The following DNM2 variants were observed in gnomAD, a reference collection of about 807,000 sequenced individuals.
DNM2 encodes dynamin 2.
Under a neutral mutation model 99.0 loss-of-function variants are expected in DNM2, and 15 were observed. That is an observed-to-expected ratio of 0.15 (90% CI 0.10 to 0.23). DNM2 has a LOEUF of 0.23. DNM2 is among the 10% of genes least tolerant of loss of function. DNM2 has a pLI of 1.00. For synonymous variants in DNM2, 525 were observed against 481.2 expected, an observed-to-expected ratio of 1.09 and a Z score of -1.19; for missense variants, 742 against 1,189.4, an observed-to-expected ratio of 0.62 and a Z score of 5.53.
In DNM2 at chr19:10,798,563, G is replaced by A. The variant is rs2072022940; in HGVS notation, c.1413G>A (p.Thr471=). Residue 471 remains threonine, a synonymous_variant, in exon 11 of 21, where the codon ACG becomes ACA. Coordinates refer to ENST00000389253, the MANE Select transcript of DNM2 (RefSeq NM_001005361.3). The part of the protein sequence containing the change: ...TTYIREREGR[T]KDQILLLIDI... ...ACATCCGGGAACGGGAGGGGAGAAC[G>A]AAGGACCAGGTACTGGCCTTTTGTC... is the stretch of plus-strand genomic sequence containing the variant. 6.2e-6 allele frequency: 10 copies of A among 1,614,096 alleles called. No homozygotes were observed. Among genetic ancestry groups the A allele is most frequent in the Admixed American group, 5.0e-5 (3 of 60,008 alleles).
intron 1 of DNM2, among the ~76,000 whole-genome samples, chr19:10,751,997 T>C (rs752792162): frequency 6.6e-6 from 1 of 152,202 alleles, no homozygotes; most frequent in South Asian, 2.1e-4. Context: ...CCTCTCCCCA[T>C]TGGCCGGGGT....
chr19:10,792,702 G>T (rs550769969), intron 7 of DNM2, among the ~76,000 whole-genome samples: 262 of 152,170 alleles, frequency 1.7e-3, no homozygotes, highest in African/African-American at 5.9e-3. Flanking sequence ...CCGCCACCCA[G>T]ATTCAAGCGG....
intron 12 of DNM2, among the ~76,000 whole-genome samples, chr19:10,802,891 T>C (rs76793776): frequency 8.5e-4 from 129 of 152,312 alleles, no homozygotes; most frequent in African/African-American, 3.1e-3. Context: ...GTCGATTCAG[T>C]GTGCGTGGTC....
In DNM2 at chr19:10,786,474, G is replaced by C. The variant is rs545420459; in HGVS notation, c.850-90G>C. The C allele has an allele frequency of 4.4e-6, 7 of 1,598,614 alleles. No individual in the cohort carries two copies. In the East Asian group the frequency reaches 1.3e-4, roughly 31 times the overall value. On this transcript the variant is annotated intron_variant, in intron 6 of 20. Coordinates refer to ENST00000389253, the MANE Select transcript of DNM2 (RefSeq NM_001005361.3). ...GTGGTGGCCGCATAGTGGCACCCTG[G>C]TGTTGGCCCTTGGTTGGGGGGAGTG... is the stretch of plus-strand genomic sequence containing the variant.
chr19:10,723,055 T>C (rs948317499), intron 1 of DNM2, among the ~76,000 whole-genome samples: 1 of 149,994 alleles, frequency 6.7e-6, no homozygotes, highest in African/African-American at 2.5e-5. Flanking sequence ...CAATCTCGCC[T>C]CCTGAGTTCA....
intron 11 of DNM2, 64 bp from the exon 12 acceptor site, chr19:10,802,224 C>T: frequency 1.3e-6 from 2 of 1,571,964 alleles, no homozygotes; most frequent in Non-Finnish European, 1.8e-6. Context: ...AGGAAATGCT[C>T]TTGCCGCTGC....
Position 10,798,534 on chromosome 19 carries a change from A to G in DNM2, c.1384A>G (p.Thr462Ala), listed in dbSNP as rs201575500. 1.4e-4 allele frequency: 228 copies of G among 1,613,852 alleles called. No homozygotes were observed. The highest frequency in any genetic ancestry group is 6.6e-4 in the Middle Eastern group (4 of 6,062). The stretch of plus-strand genomic sequence containing the variant: ...AGAGGAGACAGAGCGAATCGTCACC[A>G]CTTACATCCGGGAACGGGAGGGGAG... ...LREETERIVT[T>A]YIREREGRTK... is the part of the protein sequence containing the mutation. The change falls in exon 11 of 21, where the codon ACT (threonine) becomes GCT (alanine). Residue 462 changes from threonine to alanine, a missense_variant. This residue lies in a region of DNM2 where 240 missense variants were observed against 431.3 expected (regional missense o/e 0.56). Coordinates refer to ENST00000389253, the MANE Select transcript of DNM2 (RefSeq NM_001005361.3).
intron 8 of DNM2, among the ~76,000 whole-genome samples, chr19:10,794,434 A>AAAAC (rs139297653): frequency 0.064 from 9,725 of 151,862 alleles, 575 homozygotes; most frequent in African/African-American, 0.15. Flanking sequence ...TTTTATTAAA[A>AAAAC]AAACAAACAG....
At chr19:10,761,718 C>G (rs956298045) in intron 2 of DNM2, among the ~76,000 whole-genome samples, 1 of 152,178 alleles carries the variant, frequency 6.6e-6, no homozygotes, top group African/African-American at 2.4e-5. Flanking sequence ...GGACCTGCAT[C>G]CAGGCAGATC....
In DNM2 at chr19:10,765,549, G is replaced by T. The variant is rs1051434843; in HGVS notation, c.235+5738G>T. On this transcript the variant is annotated intron_variant, in intron 2 of 20. Coordinates refer to ENST00000389253, the MANE Select transcript of DNM2 (RefSeq NM_001005361.3). This position sits in a 1 kb window ranked among gnomAD's most constrained non-coding sequence, Gnocchi z 4.4. ...CGTGCGTCAGGCTGTGGGCTGGCTG[G>T]GATGCCTGCCCAGGCTGACACCTTC... Among the ~76,000 whole-genome samples, 2 of 152,208 alleles carry T rather than the reference G, an allele frequency of 1.3e-5. No homozygotes were observed. The highest frequency in any genetic ancestry group is 2.9e-5 in the Non-Finnish European group (2 of 68,032).
chr19:10,797,185 G>A (rs1430967884), intron 9 of DNM2, among the ~76,000 whole-genome samples, 195 bp from the exon 10 acceptor site: 1 of 151,730 alleles, frequency 6.6e-6, no homozygotes, highest in Admixed American at 6.6e-5. Flanking sequence ...ACCCCAGACC[G>A]AGCCCACACC....
Position 10,816,898 on chromosome 19 carries a change from C to T in DNM2, c.1672-3082C>T, listed in dbSNP as rs1279198435. ...AGAGTTGAAAGCCAGAGCCCCCGAC[C>T]CTCCCGTGGAGCCCCACACTGGAGT... is the stretch of plus-strand genomic sequence containing the variant. On this transcript the variant is annotated intron_variant, in intron 15 of 20. Transcript: ENST00000389253. The surrounding 1 kb of genome is among the most constrained non-coding windows in gnomAD (Gnocchi z 4.6). Among the ~76,000 whole-genome samples the T allele has an allele frequency of 6.6e-6, 1 of 152,190 alleles. No individual in the cohort carries two copies. Among genetic ancestry groups the T allele is most frequent in the African/African-American group, 2.4e-5 (1 of 41,464 alleles).
chr19:10,830,971 T>C lies in DNM2; in HGVS notation c.2544-7T>C. The C allele has an allele frequency of 1.3e-5, 21 of 1,611,048 alleles. No homozygotes were observed. Among genetic ancestry groups the C allele is most frequent in the Non-Finnish European group, 1.8e-5 (21 of 1,178,708 alleles). On this transcript the variant is annotated splice_polypyrimidine_tract_variant and splice_region_variant and intron_variant, in intron 20 of 20. Coordinates refer to ENST00000389253, the MANE Select transcript of DNM2 (RefSeq NM_001005361.3). This position sits in a 1 kb window ranked among gnomAD's most constrained non-coding sequence, Gnocchi z 4.8. ...CCCCTCCCCACCTGTCTTTATTCTC[T>C]TTGCAGCAGAAGACCCCCTGCTGCG...
chr19:10,808,361 GAGA>G (rs549720776), intron 13 of DNM2, among the ~76,000 whole-genome samples: 11 of 152,020 alleles, frequency 7.2e-5, no homozygotes, highest in Non-Finnish European at 1.5e-4. Context: ...TTTGTTTCTT[GAGA>G]TAATAATGAA....
intron 1 of DNM2, among the ~76,000 whole-genome samples, chr19:10,759,333 A>T (rs976235871): frequency 7.2e-5 from 11 of 152,304 alleles, no homozygotes; most frequent in African/African-American, 2.6e-4. Flanking sequence ...TCTGGACATG[A>T]AACACATCCT....
intron 1 of DNM2, among the ~76,000 whole-genome samples, chr19:10,751,827 C>T (rs1331063586): frequency 1.3e-5 from 2 of 152,230 alleles, no homozygotes; most frequent in Non-Finnish European, 2.9e-5. Context: ...GAATAACACT[C>T]AAAATTTTAA....
At chr19:10,726,329 G>T (rs1281558736) in intron 1 of DNM2, among the ~76,000 whole-genome samples, 1 of 152,040 alleles carries the variant, frequency 6.6e-6, no homozygotes, top group African/African-American at 2.4e-5. Flanking sequence ...CCAAAGTGGT[G>T]GAATTACAGG....
chr19:10,798,405 G>T (rs1006262286), intron 10 of DNM2, 81 bp from the exon 11 acceptor site: 13 of 1,101,966 alleles, frequency 1.2e-5, no homozygotes, highest in African/African-American at 1.6e-5. Flanking sequence ...ACCCCCCTCC[G>T]CATTTTCTAC....
At chr19:10,804,241 C>G (rs2072257890) in intron 12 of DNM2, among the ~76,000 whole-genome samples, 1 of 152,124 alleles carries the variant, frequency 6.6e-6, no homozygotes, top group South Asian at 2.1e-4. Context: ...CCAGGAGGCC[C>G]TTAGGAAATA....
Sources: allele counts gnomAD v4.1 joint callset (sites outside exome capture counted in the v4.1 genomes callset), GRCh38; gene constraint gnomAD v4.1.1; regional missense constraint gnomAD v4.1.1; non-coding constraint Gnocchi (gnomAD v3.1); transcripts MANE v1.5; gene names NCBI Gene and HGNC (gene_info 2026-07-23, HGNC 2026-07-21).